The following PRKD1 variants were observed in gnomAD, a reference collection of about 807,000 sequenced individuals.
PRKD1 encodes serine/threonine-protein kinase D1.
A neutral mutation model predicts 95.9 loss-of-function variants in PRKD1; 63 were observed. The ratio of observed to expected loss-of-function variants is 0.66; its 90% confidence interval spans 0.54 to 0.81. The LOEUF is 0.81. PRKD1 is among the 30% of genes least tolerant of loss of function. The probability of loss-of-function intolerance (pLI) is 0.00; values close to 1 mark genes in which losing one functional copy is unlikely to be tolerated. For missense variants in PRKD1, 1,048 were observed against 1,165.3 expected (o/e 0.90, Z 1.47); for synonymous variants, 425 against 423.1 (o/e 1.00, Z -0.05).
chr14:29,785,040 G>A (rs1594516571), intron 1 of PRKD1, among the ~76,000 whole-genome samples: 2 of 152,168 alleles, frequency 1.3e-5, no homozygotes, highest in African/African-American at 4.8e-5. Flanking sequence ...CCGCTCAAAA[G>A]TGATCAAGGG....
intron 1 of PRKD1, among the ~76,000 whole-genome samples, chr14:29,803,590 C>G (rs1315656037): frequency 6.6e-6 from 1 of 152,030 alleles, no homozygotes; most frequent in Non-Finnish European, 1.5e-5. Flanking sequence ...TTAATAAAAA[C>G]AGAGGATAAG....
intron 1 of PRKD1, among the ~76,000 whole-genome samples, chr14:29,750,163 A>G (rs1395481475): frequency 6.6e-6 from 1 of 152,228 alleles, no homozygotes; most frequent in African/African-American, 2.4e-5. Context: ...CATTCATTCT[A>G]GTAAAGCAAA....
At chr14:29,641,259 A>G (rs1880742609) in intron 4 of PRKD1, among the ~76,000 whole-genome samples, 2 of 152,200 alleles carry the variant, frequency 1.3e-5, no homozygotes, top group South Asian at 4.1e-4. Flanking sequence ...TAAGATTTTA[A>G]TAGCATTAAT....
intron 1 of PRKD1, among the ~76,000 whole-genome samples, chr14:29,793,038 A>T (rs1889617227): frequency 1.3e-5 from 2 of 152,002 alleles, no homozygotes; most frequent in African/African-American, 4.8e-5. Context: ...TTCACACTCT[A>T]TCATGAAAAA....
intron 1 of PRKD1, among the ~76,000 whole-genome samples, chr14:29,826,816 CATATATATATATATATATAT>C (rs1173701577): frequency 6.4e-5 from 2 of 31,160 alleles, no homozygotes; most frequent in African/African-American, 2.7e-4. Flanking sequence ...TATATATACA[CATATATATATATATATATAT>C]ATACACACAT....
rs1680830316 is a variant in PRKD1, at chr14:29,632,774, A to G, written c.1392+95T>C. The G allele has an allele frequency of 8.7e-6, 10 of 1,146,640 alleles. No homozygotes were observed. In the Admixed American group the frequency reaches 2.2e-4, roughly 25 times the overall value. 71.0% of individuals were successfully genotyped at this position (1,146,640 alleles called of 1,614,324 possible). A position where few individuals can be genotyped will look rare whatever the true frequency, so the allele number is the denominator to read the frequency against. On this transcript the variant is annotated intron_variant, in intron 9 of 17. Coordinates refer to ENST00000331968, the MANE Select transcript of PRKD1 (RefSeq NM_002742.3). ...TCCTGGAGGAAGCACAAAAATAGCCACGTTTGTTGGATGTATTTCCTATTT... is the reference window on the plus strand; with the variant it reads ...TCCTGGAGGAAGCACAAAAATAGCCGCGTTTGTTGGATGTATTTCCTATTT...
chr14:29,732,962 A>G (rs1886517049), intron 1 of PRKD1, among the ~76,000 whole-genome samples: 1 of 149,536 alleles, frequency 6.7e-6, no homozygotes, highest in African/African-American at 2.5e-5. Context: ...TGTGCTTTGA[A>G]CTATAGATTT....
At chr14:29,803,652 T>C (rs901532861) in intron 1 of PRKD1, among the ~76,000 whole-genome samples, 2 of 152,148 alleles carry the variant, frequency 1.3e-5, no homozygotes, top group East Asian at 1.9e-4. Context: ...GAGCATCTCA[T>C]TGCATGTGAA....
intron 1 of PRKD1, among the ~76,000 whole-genome samples, chr14:29,727,808 C>A (rs1038846121): frequency 6.6e-6 from 1 of 151,670 alleles, no homozygotes; most frequent in Non-Finnish European, 1.5e-5. Flanking sequence ...GGCACATATA[C>A]ACCATGGAAT....
chr14:29,848,239 G>A (rs1421944840), intron 1 of PRKD1, among the ~76,000 whole-genome samples: 1 of 152,104 alleles, frequency 6.6e-6, no homozygotes, highest in African/African-American at 2.4e-5. Context: ...ATTGCTGATT[G>A]CTGCTTCTGA....
intron 2 of PRKD1, 32 bp downstream of exon 2, chr14:29,725,504 A>G (rs758736340): frequency 6.3e-7 from 1 of 1,593,476 alleles, no homozygotes; most frequent in East Asian, 2.2e-5. Flanking sequence ...CTTCTAATCT[A>G]CGGATAAAGA....
intron 16 of PRKD1, among the ~76,000 whole-genome samples, chr14:29,585,548 T>G (rs768885228): frequency 2.0e-5 from 3 of 152,166 alleles, no homozygotes; most frequent in Admixed American, 6.5e-5. Context: ...GATTCAAAAT[T>G]TAAAGAAGAA....
Position 29,649,236 on chromosome 14 carries a change from G to A in PRKD1, c.697-10332C>T, listed in dbSNP as rs114042326. Among the ~76,000 whole-genome samples the A allele has an allele frequency of 2.8e-3, 431 of 152,182 alleles. 1 individual carries two copies. Among genetic ancestry groups the A allele is most frequent in the African/African-American group, 9.7e-3 (404 of 41,524 alleles). ...TTTTTTCACAGGTGATACTGGAGGC[G>A]TGTATTTATTTGAGCTTTACTTTTT... On this transcript the variant is annotated intron_variant, in intron 4 of 17. Transcript: ENST00000331968.
intron 1 of PRKD1, among the ~76,000 whole-genome samples, chr14:29,860,955 T>C (rs1380671223): frequency 6.6e-6 from 1 of 152,206 alleles, no homozygotes; most frequent in Non-Finnish European, 1.5e-5. Context: ...CCGTAATTAG[T>C]TTAAAAATTC....
intron 1 of PRKD1, among the ~76,000 whole-genome samples, chr14:29,762,297 T>C (rs916253685): frequency 6.6e-6 from 1 of 152,114 alleles, no homozygotes; most frequent in African/African-American, 2.4e-5. Flanking sequence ...TCATACTACC[T>C]ATTACTATAG....
intron 1 of PRKD1, among the ~76,000 whole-genome samples, chr14:29,773,503 A>G (rs1437937131): frequency 2.0e-5 from 3 of 151,376 alleles, no homozygotes; most frequent in Non-Finnish European, 4.4e-5. Context: ...AAAAACCATT[A>G]TATTATGTAG....
chr14:29,858,626 G>T (rs1348088940), intron 1 of PRKD1, among the ~76,000 whole-genome samples: 1 of 151,762 alleles, frequency 6.6e-6, no homozygotes, highest in African/African-American at 2.4e-5. Flanking sequence ...TTTTCCCCTG[G>T]GATTTTTTTT....
intron 7 of PRKD1, 101 bp from the exon 8 acceptor site, chr14:29,634,642 C>T (rs1880249609): frequency 4.2e-6 from 6 of 1,437,188 alleles, no homozygotes; most frequent in South Asian, 1.2e-5. Context: ...TGAAACTTTA[C>T]AAAATTCACA....
intron 2 of PRKD1, among the ~76,000 whole-genome samples, chr14:29,680,038 T>A (rs745451438): frequency 1.1e-3 from 165 of 152,294 alleles, no homozygotes; most frequent in Admixed American, 2.1e-3. Flanking sequence ...AAAGGAAGGT[T>A]AATGAAGCTA....
Sources: gnomAD v4.1 joint callset for allele counts (sites outside exome capture counted in the v4.1 genomes callset) on GRCh38, gnomAD v4.1.1 for gene constraint, MANE v1.5 for transcripts, NCBI Gene and HGNC (gene_info 2026-07-23, HGNC 2026-07-21) for gene names.